MYO10: variants seen among roughly 807,000 people sequenced by gnomAD.
The protein encoded by MYO10 is unconventional myosin-X.
A neutral mutation model predicts 257.3 loss-of-function variants in MYO10; 133 were observed. That is an observed-to-expected ratio of 0.52 (90% CI 0.45 to 0.60). The LOEUF is 0.60. Among genes scored for constraint, MYO10 ranks in the 20% least tolerant of loss-of-function variants. The probability of loss-of-function intolerance (pLI) is 0.00; values close to 1 mark genes in which losing one functional copy is unlikely to be tolerated. For missense variants in MYO10, 2,399 were observed against 2,635.7 expected (o/e 0.91, Z 1.97); for synonymous variants, 1,104 against 1,028.6 (o/e 1.07, Z -1.40).
At position 16,874,411 on chromosome 5, in the gene MYO10, G is replaced by A. The variant is rs984950567; in HGVS notation, c.120+3198C>T. Among the ~76,000 whole-genome samples, 9 of 136,638 alleles carry A rather than the reference G, an allele frequency of 6.6e-5. No individual in the cohort carries two copies. The East Asian group carries it at 9.2e-4, about 14-fold the overall frequency. 89.6% of individuals were successfully genotyped at this position (136,638 alleles called of 152,430 possible). A position where few individuals can be genotyped will look rare whatever the true frequency, so the allele number is the denominator to read the frequency against. On this transcript the variant is annotated intron_variant, in intron 2 of 40. Coordinates refer to ENST00000513610, the MANE Select transcript of MYO10 (RefSeq NM_012334.3). The stretch of plus-strand genomic sequence containing the variant: ...GCAAAATTTCCAAACCGTTATGCTC[G>A]CTTCCCTTATAAAACTGAATGCCTT...
At chr5:16,878,762 A>G (rs921437905) in intron 1 of MYO10, among the ~76,000 whole-genome samples, 3 of 152,202 alleles carry the variant, frequency 2.0e-5, no homozygotes, top group Non-Finnish European at 4.4e-5. Flanking sequence ...GTTCTCGCTT[A>G]TAAGTGGGAG....
intron 19 of MYO10, among the ~76,000 whole-genome samples, chr5:16,744,033 T>C (rs901226073): frequency 2.6e-4 from 40 of 152,204 alleles, no homozygotes; most frequent in African/African-American, 9.4e-4. Context: ...ATGTTAAAAA[T>C]CAAGATAAAA....
At chr5:16,672,902 G>A in intron 36 of MYO10, 77 bp from the exon 37 acceptor site, 1 of 1,504,574 alleles carries the variant, frequency 6.6e-7, no homozygotes, top group East Asian at 2.4e-5. Flanking sequence ...GCCATCACCT[G>A]ATCCCAGAGG....
chr5:16,761,623 C>T (rs1740716323), intron 16 of MYO10, 77 bp from the exon 17 acceptor site: 2 of 1,017,244 alleles, frequency 2.0e-6, no homozygotes, highest in Middle Eastern at 2.3e-4. Context: ...CCTGAAAGAG[C>T]CACAAAAAGA....
Position 16,844,414 on chromosome 5 carries a change from A to AT in MYO10, c.121-26248dup, listed in dbSNP as rs369217119. Among the ~76,000 whole-genome samples the AT allele has an allele frequency of 4.8e-4, 70 of 146,664 alleles. 1 individual carries two copies. The highest frequency in any genetic ancestry group is 1.3e-3 in the African/African-American group (52 of 39,082). ...TTATCTAACTGGCTCTTCTCTTTTC[A>AT]TTTTTTTTTTAGTGTCACAAAGTGA... is the stretch of plus-strand genomic sequence containing the variant. On this transcript the variant is annotated intron_variant, in intron 2 of 40. Coordinates refer to ENST00000513610, the MANE Select transcript of MYO10 (RefSeq NM_012334.3).
intron 2 of MYO10, among the ~76,000 whole-genome samples, chr5:16,839,570 C>T (rs1172018520): frequency 6.6e-6 from 1 of 151,892 alleles, no homozygotes; most frequent in African/African-American, 2.4e-5. Context: ...TGGCAAAACC[C>T]CATCTCTACA....
At chr5:16,670,465 T>C (rs1049749479) in intron 39 of MYO10, 61 bp downstream of exon 39, 43 of 1,426,328 alleles carry the variant, frequency 3.0e-5, no homozygotes, top group African/African-American at 1.4e-5. Flanking sequence ...AACTTGGCCG[T>C]GATCCATGTT....
chr5:16,850,752 G>A (rs1240048556), intron 2 of MYO10, among the ~76,000 whole-genome samples: 1 of 150,330 alleles, frequency 6.7e-6, no homozygotes, highest in Non-Finnish European at 1.5e-5. Flanking sequence ...TTTGGGGAAG[G>A]GGGCTGGTCT....
At chr5:16,697,568 T>TAGCAG (rs1737811753) in intron 26 of MYO10, among the ~76,000 whole-genome samples, 1 of 151,876 alleles carries the variant, frequency 6.6e-6, no homozygotes, top group Non-Finnish European at 1.5e-5. Context: ...GGCATTGGCG[T>TAGCAG]GTGCCTGTAA....
intron 19 of MYO10, among the ~76,000 whole-genome samples, chr5:16,719,239 G>A (rs1489518791): frequency 5.3e-5 from 8 of 152,016 alleles, no homozygotes; most frequent in African/African-American, 1.4e-4. Context: ...GACTCTAGAC[G>A]CGCCACCTTA....
chr5:16,882,573 T>TA (rs35763418), intron 1 of MYO10, among the ~76,000 whole-genome samples: 60 of 147,596 alleles, frequency 4.1e-4, no homozygotes, highest in African/African-American at 5.2e-4. Flanking sequence ...TTATTTAAAT[T>TA]AAAAAAAAAA....
intron 3 of MYO10, among the ~76,000 whole-genome samples, chr5:16,798,492 A>AT (rs1267102670): frequency 6.6e-6 from 1 of 151,956 alleles, no homozygotes; most frequent in African/African-American, 2.4e-5. Flanking sequence ...TTGGAAAAAA[A>AT]AAAGTGTCCT....
chr5:16,694,440 G>A lies in MYO10; in HGVS notation c.3731C>T (p.Ser1244Phe). 6.2e-7 allele frequency: 1 copy of A among 1,614,018 alleles called. No homozygotes were observed. The highest frequency in any genetic ancestry group is 8.5e-7 in the Non-Finnish European group (1 of 1,179,896). Residue 1244 changes from serine to phenylalanine, a missense_variant, in exon 27 of 41, where the codon TCC becomes TTC. By Grantham distance (155) the Ser-to-Phe change is radical. Around this residue, in one of 3 missense-constraint regions of MYO10, gnomAD observed 1,820 missense variants for 1,939.4 expected, o/e 0.94. Coordinates refer to ENST00000513610, the MANE Select transcript of MYO10 (RefSeq NM_012334.3). ...GTCGTTTTCAAAGTACATCAGCTTG[G>A]ACTGGCGGAGGACAAACCAGCGCTT... ...WKKRWFVLRQSKLMYFENDSE... is the reference protein window; with the variant it reads ...WKKRWFVLRQFKLMYFENDSE...
intron 1 of MYO10, among the ~76,000 whole-genome samples, chr5:16,892,646 C>CACAA (rs541123622): frequency 6.6e-6 from 1 of 151,496 alleles, no homozygotes; most frequent in Non-Finnish European, 1.5e-5. Flanking sequence ...CTATCTCAAA[C>CACAA]ACAAACAAAC....
At chr5:16,833,781 A>T (rs1331412106) in intron 2 of MYO10, among the ~76,000 whole-genome samples, 1 of 152,192 alleles carries the variant, frequency 6.6e-6, no homozygotes, top group African/African-American at 2.4e-5. Flanking sequence ...ATAATATAAG[A>T]ATAATCCAAA....
In MYO10 at chr5:16,701,622, G is replaced by A. The variant is rs555931512; in HGVS notation, c.2773C>T (p.Gln925Ter). ...SLQKLQERRD[Q>*]ELRRLEEEAC... ...TCCTCCTCCAGCCTGCGGAGCTCCT[G>A]GTCCCGCCGCTCCTGCAGCTTCTGC... Residue 925 changes from glutamine to a stop codon, truncating the protein, a stop_gained, in exon 25 of 41, where the codon CAG becomes TAG. Transcript: ENST00000513610. LOFTEE classifies it high-confidence loss of function. This position sits in a 1 kb window ranked among gnomAD's most constrained non-coding sequence, Gnocchi z 8.1. The A allele has an allele frequency of 6.2e-7, 1 of 1,611,214 alleles. No individual in the cohort carries two copies. The highest frequency in any genetic ancestry group is 8.5e-7 in the Non-Finnish European group (1 of 1,178,540).
chr5:16,901,435 A>G (rs888352832), intron 1 of MYO10, among the ~76,000 whole-genome samples: 1 of 152,058 alleles, frequency 6.6e-6, no homozygotes, highest in Non-Finnish European at 1.5e-5. Flanking sequence ...ACAACCCAAG[A>G]ACCTGGTGAA....
At chr5:16,689,630 T>C (rs1023690898) in intron 28 of MYO10, among the ~76,000 whole-genome samples, 194 bp downstream of exon 28, 3 of 151,566 alleles carry the variant, frequency 2.0e-5, no homozygotes, top group African/African-American at 7.3e-5. Context: ...CTCTGTGCTG[T>C]ACTTGAACAC....
chr5:16,875,870 G>A (rs1378035837), intron 2 of MYO10, among the ~76,000 whole-genome samples: 1 of 152,292 alleles, frequency 6.6e-6, no homozygotes, highest in African/African-American at 2.4e-5. Context: ...CACTTTGGGA[G>A]GCCAAGGTGG....
Sources: gnomAD v4.1 joint callset for allele counts (sites outside exome capture counted in the v4.1 genomes callset) on GRCh38, gnomAD v4.1.1 for gene constraint, gnomAD v4.1.1 regional missense constraint, Gnocchi (gnomAD v3.1) non-coding constraint, MANE v1.5 for transcripts, NCBI Gene and HGNC (gene_info 2026-07-23, HGNC 2026-07-21) for gene names.